The following ANKRD13C variants were observed in gnomAD, a reference collection of about 807,000 sequenced individuals.
ANKRD13C encodes the protein ankyrin repeat domain 13C, also known as ankyrin repeat domain-containing protein 13C.
A neutral mutation model predicts 65.5 loss-of-function variants in ANKRD13C; 16 were observed. The observed-to-expected ratio is 0.24, with a 90% CI of 0.17 to 0.37. The LOEUF is 0.37. ANKRD13C is among the 10% of genes least tolerant of loss of function. The pLI, the probability that ANKRD13C is intolerant of heterozygous loss-of-function variation, is 1.00. For missense variants in ANKRD13C, 503 were observed against 655.9 expected (o/e 0.77, Z 2.55); for synonymous variants, 235 against 238.7 (o/e 0.98, Z 0.14).
rs574427428 is a variant in ANKRD13C, at chr1:70,277,504, T to C, written c.1216-660A>G. On this transcript the variant is annotated intron_variant, in intron 9 of 12. Transcript: ENST00000370944. The stretch of plus-strand genomic sequence containing the variant: ...TGATTCAAGGAATTTACAATTCAGT[T>C]GGAAAGAAAAAAAAAATACAGACAT... Among the ~76,000 whole-genome samples the C allele has an allele frequency of 2.0e-5, 3 of 148,314 alleles. No individual in the cohort carries two copies. The East Asian group carries it at 5.9e-4, about 29-fold the overall frequency.
intron 12 of ANKRD13C, among the ~76,000 whole-genome samples, chr1:70,263,887 A>C (rs1276220967): frequency 6.6e-6 from 1 of 152,220 alleles, no homozygotes; most frequent in Non-Finnish European, 1.5e-5. Context: ...GAGTAAATTA[A>C]GTCTAACTGA....
chr1:70,296,250 C>T lies in ANKRD13C; in HGVS notation c.933G>A (p.Met311Ile), dbSNP rs2101298589. The T allele has an allele frequency of 6.2e-7, 1 of 1,612,710 alleles. No homozygotes were observed. Among genetic ancestry groups the T allele is most frequent in the East Asian group, 2.2e-5 (1 of 44,816 alleles). ...YQRIHHEESE[M>I]ETEEEVDILM... Reference sequence around the variant, plus strand: ...AAATATCCACCTCTTCTTCTGTTTCCATCTCTGATTCCTGGGATGTGAGCA... The same window carrying T: ...AAATATCCACCTCTTCTTCTGTTTCTATCTCTGATTCCTGGGATGTGAGCA... Residue 311 changes from methionine to isoleucine, a missense_variant, in exon 8 of 13, where the codon ATG becomes ATA. Met to Ile is a conservative substitution (Grantham distance 10, BLOSUM62 1). Coordinates refer to ENST00000370944, the MANE Select transcript of ANKRD13C (RefSeq NM_030816.5).
intron 2 of ANKRD13C, among the ~76,000 whole-genome samples, chr1:70,334,715 G>A (rs955754844): frequency 4.0e-5 from 6 of 151,842 alleles, no homozygotes; most frequent in East Asian, 1.9e-4. Flanking sequence ...ACCTGAGGTC[G>A]GGGGTTCGAG....
At chr1:70,310,529 C>CT (rs1680804935) in intron 5 of ANKRD13C, among the ~76,000 whole-genome samples, 1 of 152,112 alleles carries the variant, frequency 6.6e-6, no homozygotes, top group Non-Finnish European at 1.5e-5. Context: ...CTTTGGACAA[C>CT]TGTCTCAGTG....
chr1:70,323,905 T>C (rs1681424246), intron 3 of ANKRD13C, among the ~76,000 whole-genome samples: 1 of 151,720 alleles, frequency 6.6e-6, no homozygotes, highest in Non-Finnish European at 1.5e-5. Flanking sequence ...TTTGTATTTT[T>C]AGTAGAGACG....
intron 6 of ANKRD13C, among the ~76,000 whole-genome samples, chr1:70,305,379 C>T (rs1488775197): frequency 1.3e-5 from 2 of 152,114 alleles, no homozygotes; most frequent in African/African-American, 4.8e-5. Context: ...CTTAACTTCT[C>T]TTTCTCATCT....
In ANKRD13C at chr1:70,336,078, G is replaced by T; in HGVS notation, c.452C>A (p.Ala151Asp). The T allele has an allele frequency of 1.2e-6, 1 of 818,986 alleles. No individual in the cohort carries two copies. Among genetic ancestry groups the T allele is most frequent in the Non-Finnish European group, 1.7e-6 (1 of 588,596 alleles). The allele number at this position is 818,986 out of a possible 1,614,324, so 50.7% of individuals were successfully genotyped here. A position where few individuals can be genotyped will look rare whatever the true frequency, so the allele number is the denominator to read the frequency against. Residue 151 changes from alanine to aspartate, a missense_variant, in exon 2 of 13, where the codon GCT becomes GAT. Ala to Asp is a moderately radical substitution (Grantham distance 126). Around this residue, in one of 2 missense-constraint regions of ANKRD13C, gnomAD observed 300 missense variants for 478.3 expected, o/e 0.63. Coordinates refer to ENST00000370944, the MANE Select transcript of ANKRD13C (RefSeq NM_030816.5). ...CTAACCTTTATTTCCTAACATCACA[G>T]CAAGGTGTAAAGGAGTATTTCCTAA... ...DNHGNTPLHL[A>D]VMLGNKECAH...
intron 9 of ANKRD13C, among the ~76,000 whole-genome samples, chr1:70,290,729 T>A (rs1247340974): frequency 1.3e-5 from 2 of 152,038 alleles, no homozygotes; most frequent in Non-Finnish European, 2.9e-5. Flanking sequence ...TTTAATTTTT[T>A]ATTTTTTTAG....
At position 70,354,305 on chromosome 1, in the gene ANKRD13C, C is replaced by A. The variant is rs760284373; in HGVS notation, c.104G>T (p.Gly35Val). The A allele has an allele frequency of 1.2e-6, 2 of 1,613,914 alleles. No homozygotes were observed. Among genetic ancestry groups the A allele is most frequent in the South Asian group, 2.2e-5 (2 of 91,084 alleles). The change falls in exon 1 of 13, where the codon GGC (glycine) becomes GTC (valine). Residue 35 changes from glycine (G) to valine (V), a missense_variant. By Grantham distance (109) the Gly-to-Val change is moderately radical. Transcript: ENST00000370944. ...AATCCTGCTTCTGGTAAAGGTACCG[C>A]CGAGGGCAGCCGCCGCTTCCTCATC... ...PGDEEAAAAL[G>V]GTFTRSRIGK...
intron 1 of ANKRD13C, among the ~76,000 whole-genome samples, chr1:70,350,246 T>C (rs1682690743): frequency 6.6e-6 from 1 of 152,242 alleles, no homozygotes; most frequent in African/African-American, 2.4e-5. Context: ...AAGGCTAATA[T>C]ATCTCCAGCA....
intron 3 of ANKRD13C, among the ~76,000 whole-genome samples, chr1:70,319,851 C>CG (rs1403164901): frequency 6.6e-6 from 1 of 152,036 alleles, no homozygotes; most frequent in Non-Finnish European, 1.5e-5. Context: ...ACAGAATATT[C>CG]ACTGGTCTCT....
intron 12 of ANKRD13C, among the ~76,000 whole-genome samples, chr1:70,264,889 T>A (rs1047485254): frequency 6.6e-6 from 1 of 152,094 alleles, no homozygotes; most frequent in African/African-American, 2.4e-5. Context: ...AAGGGACTTT[T>A]CAGTAAAGAC....
intron 6 of ANKRD13C, among the ~76,000 whole-genome samples, chr1:70,301,887 A>C (rs1318608940): frequency 1.3e-5 from 2 of 152,190 alleles, no homozygotes; most frequent in Non-Finnish European, 2.9e-5. Context: ...CTCAAAACAC[A>C]CAGTCCTAAA....
rs1682918962 is a variant in ANKRD13C, at chr1:70,354,609, G to A, written c.-201C>T. ...CCTAGGCACGAAGGGACGCGCGCTC[G>A]CTGGGGGAAGCTAGAACTCAGGTGC... On this transcript the variant is annotated 5_prime_UTR_variant, in exon 1 of 13. Transcript: ENST00000370944. The A allele has an allele frequency of 7.9e-7, 1 of 1,266,936 alleles. No homozygotes were observed. Among genetic ancestry groups the A allele is most frequent in the Non-Finnish European group, 1.1e-6 (1 of 947,836 alleles). 78.5% of individuals were successfully genotyped at this position (1,266,936 alleles called of 1,614,324 possible).
At chr1:70,287,914 G>A (rs1197022093) in intron 9 of ANKRD13C, among the ~76,000 whole-genome samples, 1 of 152,166 alleles carries the variant, frequency 6.6e-6, no homozygotes, top group African/African-American at 2.4e-5. Flanking sequence ...CAGCTACTTA[G>A]GAGACTGAGT....
chr1:70,275,057 T>A (rs138099782), intron 10 of ANKRD13C, among the ~76,000 whole-genome samples: 1 of 152,206 alleles, frequency 6.6e-6, no homozygotes, highest in Non-Finnish European at 1.5e-5. Context: ...TAATTTCACA[T>A]TGAATATAAT....
rs1680584763 is a variant in ANKRD13C, at chr1:70,306,265, A to T, written c.735T>A (p.Pro245=). 1 of 1,581,576 alleles carries T rather than the reference A, an allele frequency of 6.3e-7. No homozygotes were observed. Among genetic ancestry groups the T allele is most frequent in the Admixed American group, 1.7e-5 (1 of 58,082 alleles). Reference sequence around the variant, plus strand: ...GTTTGTATATTTTACATGCATCGGAAGGCAGAATTCGGGAAAGTAAAGGCA... The same window carrying T: ...GTTTGTATATTTTACATGCATCGGATGGCAGAATTCGGGAAAGTAAAGGCA... ...SWVPLLSRIL[P]SDACKIYKQG... Residue 245 remains proline (P), a synonymous_variant, in exon 6 of 13, where the codon CCT becomes CCA. Transcript: ENST00000370944.
intron 9 of ANKRD13C, among the ~76,000 whole-genome samples, chr1:70,287,102 C>T (rs1354733258): frequency 6.6e-6 from 1 of 151,910 alleles, no homozygotes; most frequent in Non-Finnish European, 1.5e-5. Context: ...TAAAGATAAT[C>T]TTTTATGATA....
intron 7 of ANKRD13C, among the ~76,000 whole-genome samples, chr1:70,297,286 GATTTTTTT>G (rs1339390964): frequency 8.6e-4 from 107 of 125,116 alleles, no homozygotes; most frequent in Non-Finnish European, 1.4e-3. Flanking sequence ...GTCCCTTTCT[GATTTTTTT>G]TTTTTTTTTT....
Sources: allele counts gnomAD v4.1 joint callset (sites outside exome capture counted in the v4.1 genomes callset), GRCh38; gene constraint gnomAD v4.1.1; regional missense constraint gnomAD v4.1.1; transcripts MANE v1.5; gene names NCBI Gene and HGNC (gene_info 2026-07-23, HGNC 2026-07-21).